Variants in ZFX observed in about 807,000 individuals in gnomAD.
ZFX encodes the protein zinc finger protein X-linked.
For synonymous variants in ZFX, 196 were observed against 226.8 expected (o/e 0.86, Z 1.22); for missense variants, 362 against 628.3 (o/e 0.58, Z 4.53).
intron 3 of ZFX, among the ~76,000 whole-genome samples, chrX:24,167,657 G>A (rs979670817): frequency 6.3e-5 from 7 of 111,918 alleles, no homozygotes; most frequent in African/African-American, 2.3e-4. Flanking sequence ...CAGTAGATGG[G>A]GTGGAGATCA....
At chrX:24,156,413 T>C (rs1301847717) in intron 3 of ZFX, among the ~76,000 whole-genome samples, 1 of 111,150 alleles carries the variant, frequency 9.0e-6, no homozygotes, top group Non-Finnish European at 1.9e-5. Context: ...GTTGTAATGA[T>C]ACTGTGCTGT....
chrX:24,167,704 C>CTT (rs1353927013), intron 3 of ZFX, among the ~76,000 whole-genome samples: 11 of 112,033 alleles, frequency 9.8e-5, no homozygotes, highest in African/African-American at 3.2e-4. Flanking sequence ...CAGGGATTCT[C>CTT]TGAGAGTGTA....
At chrX:24,177,921 C>A in intron 4 of ZFX, 4 of 663,505 alleles carry the variant, frequency 6.0e-6, no homozygotes, top group Non-Finnish European at 7.1e-6. Context: ...AGTTGCATTA[C>A]TTAATTTTTT....
At chrX:24,160,718 G>A (rs1933208310) in intron 3 of ZFX, among the ~76,000 whole-genome samples, 1 of 111,592 alleles carries the variant, frequency 9.0e-6, no homozygotes, top group South Asian at 3.7e-4. Flanking sequence ...TGTTGGGAAC[G>A]TTCAGAATCC....
chrX:24,168,374 A>G (rs768338506), intron 3 of ZFX, among the ~76,000 whole-genome samples: 4 of 112,116 alleles, frequency 3.6e-5, no homozygotes, highest in African/African-American at 6.5e-5. Context: ...ATTAGCTGCA[A>G]AAAGCAAAGT....
intron 5 of ZFX, among the ~76,000 whole-genome samples, chrX:24,181,777 CAG>C (rs769057777): frequency 9.0e-6 from 1 of 111,663 alleles, no homozygotes; most frequent in East Asian, 2.8e-4. Flanking sequence ...GGAACCAACA[CAG>C]AGTATTATTT....
intron 3 of ZFX, among the ~76,000 whole-genome samples, chrX:24,172,483 TAAA>T (rs780207840): frequency 7.1e-5 from 8 of 112,321 alleles, no homozygotes; most frequent in African/African-American, 2.3e-4. Flanking sequence ...TGCTTCAACT[TAAA>T]AAGAAGTCCA....
intron 5 of ZFX, among the ~76,000 whole-genome samples, chrX:24,188,969 C>G (rs780502798): frequency 1.8e-5 from 2 of 111,192 alleles, no homozygotes; most frequent in Non-Finnish European, 3.8e-5. Context: ...TCCCGAGTAG[C>G]TGGGACTACA....
intron 5 of ZFX, among the ~76,000 whole-genome samples, chrX:24,201,915 T>G (rs1346004313): frequency 8.9e-6 from 1 of 111,981 alleles, no homozygotes; most frequent in Non-Finnish European, 1.9e-5. Flanking sequence ...CTTTAAGCCT[T>G]CATATCATTA....
At chrX:24,199,475 C>G (rs950549567) in intron 5 of ZFX, among the ~76,000 whole-genome samples, 11 of 110,278 alleles carry the variant, frequency 1.0e-4, no homozygotes, top group Middle Eastern at 4.6e-3. Context: ...AGGCTGGTCT[C>G]TAACTCCTGG....
intron 4 of ZFX, chrX:24,173,720 A>G (rs1301766290): frequency 9.8e-6 from 5 of 509,159 alleles, no homozygotes; most frequent in Middle Eastern, 8.9e-4. Flanking sequence ...AACTGGGGCT[A>G]CAGGTGTGTG....
intron 5 of ZFX, among the ~76,000 whole-genome samples, chrX:24,181,723 T>C (rs1569146515): frequency 8.9e-6 from 1 of 111,760 alleles, no homozygotes; most frequent in Non-Finnish European, 1.9e-5. Flanking sequence ...TTTGCCTTAA[T>C]ATTCCCTTCA....
chrX:24,163,400 C>G (rs1255302433), intron 3 of ZFX, among the ~76,000 whole-genome samples: 4 of 37,655 alleles, frequency 1.1e-4, no homozygotes, highest in Admixed American at 9.3e-4. Flanking sequence ...TTTTTTGATA[C>G]AGAGTCTCAC....
chrX:24,166,219 A>G (rs1198575124), intron 3 of ZFX, among the ~76,000 whole-genome samples: 1 of 112,654 alleles, frequency 8.9e-6, no homozygotes. Context: ...TTTTACAGCC[A>G]AGTTTTAATA....
intron 4 of ZFX, among the ~76,000 whole-genome samples, chrX:24,178,582 C>T (rs1225060112): frequency 1.0e-5 from 1 of 98,132 alleles, no homozygotes; most frequent in African/African-American, 3.7e-5. Context: ...AGCCAGCGCG[C>T]CTGGCCTTTT....
intron 4 of ZFX, chrX:24,175,244 G>A (rs1411931125): frequency 8.9e-6 from 1 of 112,463 alleles, no homozygotes; most frequent in Non-Finnish European, 1.9e-5. Flanking sequence ...CTAGGTAATG[G>A]ACTAAGTGGT....
At chrX:24,168,089 GA>G (rs1213297417) in intron 3 of ZFX, among the ~76,000 whole-genome samples, 3 of 112,073 alleles carry the variant, frequency 2.7e-5, no homozygotes, top group East Asian at 2.8e-4. Context: ...CAACATGGGG[GA>G]AAAATTAGGA....
chrX:24,195,334 C>T (rs999661564), intron 5 of ZFX, among the ~76,000 whole-genome samples: 4 of 106,603 alleles, frequency 3.8e-5, no homozygotes, highest in Non-Finnish European at 7.7e-5. Context: ...CCTGGGATTA[C>T]AGGTGCCTGC....
intron 5 of ZFX, among the ~76,000 whole-genome samples, chrX:24,197,892 C>G (rs1319625761): frequency 8.9e-6 from 1 of 111,870 alleles, no homozygotes; most frequent in East Asian, 2.8e-4. Context: ...CCAACATTTT[C>G]AAGTATTCAG....
Sources: allele counts gnomAD v4.1 joint callset (sites outside exome capture counted in the v4.1 genomes callset), GRCh38; gene constraint gnomAD v4.1.1; transcripts MANE v1.5; gene names NCBI Gene and HGNC (gene_info 2026-07-23, HGNC 2026-07-21).